PLPPR4: variants seen among roughly 807,000 people sequenced by gnomAD.
PLPPR4 encodes phospholipid phosphatase related 4, also known as phospholipid phosphatase-related protein type 4.
A neutral mutation model predicts 56.6 loss-of-function variants in PLPPR4; 24 were observed. The ratio of observed to expected loss-of-function variants is 0.42; its 90% CI spans 0.31 to 0.60. The LOEUF is 0.60. PLPPR4 is among the 20% of genes least tolerant of loss of function. The pLI is 0.13. For synonymous variants in PLPPR4, 326 were observed against 328.1 expected (o/e 0.99, Z 0.07); for missense variants, 654 against 885.8 (o/e 0.74, Z 3.32).
chr1:99,301,982 C>A (rs183868193), intron 6 of PLPPR4, 85 bp downstream of exon 6: 9 of 871,874 alleles, frequency 1.0e-5, no homozygotes, highest in African/African-American at 6.8e-5. Flanking sequence ...AGCTTCCTTG[C>A]GATATATTTT....
chr1:99,279,133 T>C (rs6701857), intron 1 of PLPPR4, among the ~76,000 whole-genome samples: 10,502 of 152,216 alleles, frequency 0.069, 587 homozygotes, highest in East Asian at 0.17. Flanking sequence ...ACACCTAGTA[T>C]GTCAGGGATA....
chr1:99,263,861 A>G (rs1658821714), upstream of PLPPR4: 1 of 152,454 alleles, frequency 6.6e-6, no homozygotes, highest in East Asian at 1.9e-4. Flanking sequence ...CAAGGAACCC[A>G]CATCATTCCC....
chr1:99,302,509 T>TTTATTA (rs35590074), intron 6 of PLPPR4, among the ~76,000 whole-genome samples: 3 of 149,554 alleles, frequency 2.0e-5, no homozygotes, highest in African/African-American at 4.9e-5. Flanking sequence ...TATTCTTTTT[T>TTTATTA]TTATTATTAT....
chr1:99,266,363 G>GA (rs1340768628), intron 1 of PLPPR4, among the ~76,000 whole-genome samples: 5 of 152,206 alleles, frequency 3.3e-5, no homozygotes. Flanking sequence ...TGGCTTCAAG[G>GA]AAAATGCCCT....
intron 1 of PLPPR4, 95 bp from the exon 2 acceptor site, chr1:99,287,868 GAA>G: frequency 1.2e-6 from 1 of 853,996 alleles, no homozygotes; most frequent in Admixed American, 2.4e-5. Context: ...TGGAATCGGA[GAA>G]GAGTAGCGAG....
intron 1 of PLPPR4, among the ~76,000 whole-genome samples, chr1:99,278,842 A>AT (rs5776463): frequency 6.6e-6 from 1 of 152,042 alleles, no homozygotes; most frequent in Non-Finnish European, 1.5e-5. Context: ...CATAGAACAG[A>AT]TTTTTTTCCC....
At position 99,298,744 on chromosome 1, in the gene PLPPR4, A is replaced by C. The variant is rs1659808289; in HGVS notation, c.395-291A>C. The C allele has an allele frequency of 8.5e-6, 5 of 587,804 alleles. No individual in the cohort carries two copies. In the South Asian group the frequency reaches 1.1e-4, roughly 13 times the overall value. 36.4% of individuals were successfully genotyped at this position (587,804 alleles called of 1,614,324 possible). A position where few individuals can be genotyped will look rare whatever the true frequency, so the allele number is the denominator to read the frequency against. ...CGTCGCTCTCAAATAATACCTTAGC[A>C]TGTTCCAAGTGTCTTGACAAGTGAC... On this transcript the variant is annotated intron_variant, in intron 3 of 6. Coordinates refer to ENST00000370185, the MANE Select transcript of PLPPR4 (RefSeq NM_014839.5).
intron 1 of PLPPR4, among the ~76,000 whole-genome samples, chr1:99,286,785 C>A (rs929720446): frequency 2.6e-5 from 4 of 152,118 alleles, no homozygotes; most frequent in African/African-American, 9.7e-5. Flanking sequence ...AAACGTAGTA[C>A]AAGAAGAATC....
rs1357980494 is a variant in PLPPR4, at chr1:99,307,054, T to C, written c.*44T>C. ...TTAGGGCTACTCGCAAAAGACCATATGTTGATTCTACCTGTGTTCTGTTCC... is the reference window on the plus strand; with the variant it reads ...TTAGGGCTACTCGCAAAAGACCATACGTTGATTCTACCTGTGTTCTGTTCC... On this transcript the variant is annotated 3_prime_UTR_variant, in exon 7 of 7. Transcript: ENST00000370185. 6.5e-6 allele frequency: 10 copies of C among 1,537,990 alleles called. No homozygotes were observed. Among genetic ancestry groups the C allele is most frequent in the South Asian group, 1.3e-5 (1 of 79,770 alleles).
chr1:99,307,099 C>A lies in PLPPR4; in HGVS notation c.*89C>A. On this transcript the variant is annotated 3_prime_UTR_variant, in exon 7 of 7. Transcript: ENST00000370185. ...TGTTCCAGCGAATTGGGAAGTCTCA[C>A]CAAGCTAGATTGTCTACCATCAGCC... 1 of 1,462,522 alleles carries A rather than the reference C, an allele frequency of 6.8e-7. No individual in the cohort carries two copies. The highest frequency in any genetic ancestry group is 1.4e-5 in the African/African-American group (1 of 71,078). 90.6% of individuals were successfully genotyped at this position (1,462,522 alleles called of 1,614,324 possible).
In PLPPR4 at chr1:99,305,843, C is replaced by A; in HGVS notation, c.981C>A (p.Ile327=). 1 of 1,614,052 alleles carries A rather than the reference C, an allele frequency of 6.2e-7. No individual in the cohort carries two copies. The highest frequency in any genetic ancestry group is 8.5e-7 in the Non-Finnish European group (1 of 1,179,988). The change falls in exon 7 of 7, where the codon ATC becomes ATA. Residue 327 remains isoleucine, a synonymous_variant. Transcript: ENST00000370185. The part of the protein sequence containing the change: ...SSDGIAHTEG[I]LNRNHRDASS... ...ATGGAATTGCTCATACAGAAGGCAT[C>A]CTCAACCGAAACCACAGAGATGCTA...
intron 6 of PLPPR4, among the ~76,000 whole-genome samples, chr1:99,303,517 AATACC>A: frequency 6.6e-6 from 1 of 152,318 alleles, no homozygotes. Context: ...GTAGCCAGGG[AATACC>A]AATAAACAAG....
chr1:99,280,779 T>G (rs1659304521), intron 1 of PLPPR4, among the ~76,000 whole-genome samples: 2 of 152,218 alleles, frequency 1.3e-5, no homozygotes, highest in African/African-American at 4.8e-5. Context: ...GACTAGAACA[T>G]GTCTTTTTGA....
At chr1:99,281,496 ATACT>A (rs1257546052) in intron 1 of PLPPR4, among the ~76,000 whole-genome samples, 2 of 152,334 alleles carry the variant, frequency 1.3e-5, no homozygotes, top group East Asian at 3.9e-4. Context: ...TGAATATGCT[ATACT>A]TAGAGTGAGG....
Position 99,301,778 on chromosome 1 carries a change from G to A in PLPPR4, c.703G>A (p.Val235Ile). The change falls in exon 6 of 7, where the codon GTC becomes ATC. Residue 235 changes from valine (V) to isoleucine (I), a missense_variant. Coordinates refer to ENST00000370185, the MANE Select transcript of PLPPR4 (RefSeq NM_014839.5). The part of the protein sequence containing the change: ...DSSKLLKPLL[V>I]FTFIICGIIC... ...CTCTAAGCTTCTGAAACCTCTCTTG[G>A]TCTTCACATTTATCATCTGTGGAAT... 6.2e-7 allele frequency: 1 copy of A among 1,612,118 alleles called. No individual in the cohort carries two copies. The highest frequency in any genetic ancestry group is 8.5e-7 in the Non-Finnish European group (1 of 1,178,798).
chr1:99,282,118 G>T (rs1399562932), intron 1 of PLPPR4, among the ~76,000 whole-genome samples: 1 of 152,138 alleles, frequency 6.6e-6, no homozygotes, highest in Non-Finnish European at 1.5e-5. Flanking sequence ...ACTAAGAGAT[G>T]TAACAGTTTT....
At chr1:99,263,308 G>A (rs115172061), upstream of PLPPR4, among the ~76,000 whole-genome samples, 983 of 152,230 alleles carry the variant, frequency 6.5e-3, 6 homozygotes, top group South Asian at 0.016. Context: ...TTGGGAGGCG[G>A]AAACAAGCAA....
At chr1:99,291,595 A>C (rs1659621419) in intron 2 of PLPPR4, among the ~76,000 whole-genome samples, 1 of 152,228 alleles carries the variant, frequency 6.6e-6, no homozygotes, top group Admixed American at 6.5e-5. Context: ...CTATGCAGCC[A>C]TAAAAAAATG....
At chr1:99,297,523 TCA>T (rs1659772683) in intron 3 of PLPPR4, among the ~76,000 whole-genome samples, 1 of 152,132 alleles carries the variant, frequency 6.6e-6, no homozygotes, top group South Asian at 2.1e-4. Context: ...AGTTGAATAG[TCA>T]CACACAATAC....
Sources: gnomAD v4.1 joint callset for allele counts (sites outside exome capture counted in the v4.1 genomes callset) on GRCh38, gnomAD v4.1.1 for gene constraint, MANE v1.5 for transcripts, NCBI Gene and HGNC (gene_info 2026-07-23, HGNC 2026-07-21) for gene names.